Variants in PPFIA2 observed in about 807,000 individuals in gnomAD.
The protein encoded by PPFIA2 is PPFI scaffold protein A2.
In PPFIA2, 46 loss-of-function variants were observed where a neutral mutation model predicts 175.5. The ratio of observed to expected loss-of-function variants is 0.26; its 90% CI spans 0.21 to 0.34. The LOEUF is 0.34. Ranked by LOEUF, PPFIA2 falls within the 10% of genes least tolerant of loss-of-function variation. The pLI, the probability that PPFIA2 is intolerant of heterozygous loss-of-function variation, is 1.00. For synonymous variants in PPFIA2, 568 were observed against 511.4 expected (o/e 1.11, Z -1.49); for missense variants, 1,179 against 1,506.1 (o/e 0.78, Z 3.60).
chr12:81,294,343 T>C (rs1181565930), intron 24 of PPFIA2, among the ~76,000 whole-genome samples: 1 of 152,048 alleles, frequency 6.6e-6, no homozygotes, highest in East Asian at 1.9e-4. Context: ...CTTGCATCTT[T>C]AGTAATCACT....
chr12:81,297,143 C>T (rs1329018616), intron 23 of PPFIA2, among the ~76,000 whole-genome samples: 2 of 152,090 alleles, frequency 1.3e-5, no homozygotes, highest in Non-Finnish European at 2.9e-5. Flanking sequence ...TGACCCTGAC[C>T]ATATGAATGA....
At chr12:81,593,240 C>T (rs2058878754) in intron 4 of PPFIA2, among the ~76,000 whole-genome samples, 1 of 151,936 alleles carries the variant, frequency 6.6e-6, no homozygotes, top group South Asian at 2.1e-4. Flanking sequence ...TATTAAAAAT[C>T]CTCAAAAAGG....
intron 15 of PPFIA2, among the ~76,000 whole-genome samples, chr12:81,359,879 C>T (rs2061371243): frequency 6.6e-6 from 1 of 152,006 alleles, no homozygotes; most frequent in East Asian, 1.9e-4. Flanking sequence ...CTTAAAGGCC[C>T]TCTATAACTT....
At chr12:81,354,816 G>A (rs1455508220) in intron 16 of PPFIA2, among the ~76,000 whole-genome samples, 1 of 151,932 alleles carries the variant, frequency 6.6e-6, no homozygotes, top group Non-Finnish European at 1.5e-5. Flanking sequence ...GCTAATTTTT[G>A]TACTTTTAGT....
chr12:81,717,168 C>T (rs369816220), intron 3 of PPFIA2, among the ~76,000 whole-genome samples: 35 of 151,688 alleles, frequency 2.3e-4, no homozygotes, highest in African/African-American at 8.2e-4. Context: ...GCTTTTGTAC[C>T]AAGAAAGCAG....
intron 3 of PPFIA2, among the ~76,000 whole-genome samples, chr12:81,731,823 A>G (rs1398968953): frequency 1.3e-5 from 2 of 151,578 alleles, no homozygotes; most frequent in Admixed American, 1.3e-4. Context: ...GGTGGTTCAG[A>G]TTAAGTTTGT....
chr12:81,601,525 C>T (rs2059786817), intron 4 of PPFIA2, among the ~76,000 whole-genome samples: 1 of 151,864 alleles, frequency 6.6e-6, no homozygotes, highest in Non-Finnish European at 1.5e-5. Flanking sequence ...CACTAAAAAA[C>T]ACATCCCTTT....
intron 4 of PPFIA2, among the ~76,000 whole-genome samples, chr12:81,637,793 C>G (rs1365632901): frequency 6.6e-6 from 1 of 152,110 alleles, no homozygotes; most frequent in African/African-American, 2.4e-5. Flanking sequence ...CATATTTTTT[C>G]TTTGTCCTGC....
At chr12:81,733,062 C>A (rs1399579284) in intron 3 of PPFIA2, among the ~76,000 whole-genome samples, 1 of 151,392 alleles carries the variant, frequency 6.6e-6, no homozygotes, top group Non-Finnish European at 1.5e-5. Context: ...AAATTTATTA[C>A]TGAAATATTT....
intron 22 of PPFIA2, among the ~76,000 whole-genome samples, chr12:81,324,303 T>G (rs546667155): frequency 6.6e-6 from 1 of 152,142 alleles, no homozygotes; most frequent in South Asian, 2.1e-4. Flanking sequence ...ATGTTTAACT[T>G]TAGTAGCTAT....
intron 6 of PPFIA2, among the ~76,000 whole-genome samples, chr12:81,445,230 G>C (rs1318332950): frequency 7.0e-6 from 1 of 142,388 alleles, no homozygotes; most frequent in Non-Finnish European, 1.5e-5. Context: ...GGGGGAGAGA[G>C]AGAGAGAGAG....
chr12:81,490,742 T>C (rs1025951091), intron 4 of PPFIA2, among the ~76,000 whole-genome samples: 1 of 151,976 alleles, frequency 6.6e-6, no homozygotes, highest in African/African-American at 2.4e-5. Context: ...TTCAGTCTTA[T>C]CAGTCTTTTC....
rs567088999 is a variant in PPFIA2 at position 81,562,622 on chromosome 12, C to A, written c.304-104756G>T. Among the ~76,000 whole-genome samples the A allele has an allele frequency of 1.9e-4, 29 of 151,296 alleles. 1 individual carries two copies. In the South Asian group the frequency reaches 5.0e-3, roughly 26 times the overall value. On this transcript the variant is annotated intron_variant, in intron 4 of 32. Coordinates refer to ENST00000549396, the MANE Select transcript of PPFIA2 (RefSeq NM_003625.5). ...CAGCACTTTGGGAGGCCGAGGCGGGCGGATCACGAGGTCAGGAGATCGAGA... is the reference window on the plus strand; with the variant it reads ...CAGCACTTTGGGAGGCCGAGGCGGGAGGATCACGAGGTCAGGAGATCGAGA...
intron 3 of PPFIA2, among the ~76,000 whole-genome samples, chr12:81,703,637 C>T (rs1047165961): frequency 6.6e-6 from 1 of 152,104 alleles, no homozygotes; most frequent in Non-Finnish European, 1.5e-5. Flanking sequence ...TTACTCCATA[C>T]TTTTGAAATA....
intron 4 of PPFIA2, among the ~76,000 whole-genome samples, chr12:81,580,317 C>A (rs977161930): frequency 6.6e-6 from 1 of 151,646 alleles, no homozygotes; most frequent in African/African-American, 2.4e-5. Context: ...AAGATTAAAT[C>A]CCTTGTCCAG....
chr12:81,292,690 G>A (rs1197722218), intron 24 of PPFIA2: 1 of 152,130 alleles, frequency 6.6e-6, no homozygotes, highest in East Asian at 1.9e-4. Flanking sequence ...TAGGCTCTTA[G>A]TAGTTAAGTC....
intron 6 of PPFIA2, among the ~76,000 whole-genome samples, chr12:81,441,152 C>T (rs2050109609): frequency 6.6e-6 from 1 of 151,096 alleles, no homozygotes; most frequent in African/African-American, 2.4e-5. Flanking sequence ...ATGTAAAAAC[C>T]CAGATACATA....
chr12:81,557,377 G>T (rs540134070), intron 4 of PPFIA2, among the ~76,000 whole-genome samples: 1 of 151,922 alleles, frequency 6.6e-6, no homozygotes, highest in South Asian at 2.1e-4. Context: ...CCCAGTTTCT[G>T]ATAGAGTAAA....
chr12:81,330,187 T>C (rs922695593), intron 21 of PPFIA2, among the ~76,000 whole-genome samples: 6 of 152,018 alleles, frequency 3.9e-5, no homozygotes, highest in Admixed American at 3.3e-4. Context: ...CTACGCACGA[T>C]AGCAACAACA....
Sources: gnomAD v4.1 joint callset for allele counts (sites outside exome capture counted in the v4.1 genomes callset) on GRCh38, gnomAD v4.1.1 for gene constraint, MANE v1.5 for transcripts, NCBI Gene and HGNC (gene_info 2026-07-23, HGNC 2026-07-21) for gene names.